SMC2: variants seen among roughly 807,000 people sequenced by gnomAD.
The protein encoded by SMC2 is structural maintenance of chromosomes 2.
In SMC2, 41 loss-of-function variants were observed where a neutral mutation model predicts 142.6. The observed-to-expected ratio is 0.29, with a 90% CI of 0.22 to 0.37. SMC2 has a LOEUF of 0.37. Ranked by LOEUF, SMC2 falls within the 10% of genes least tolerant of loss-of-function variation. The probability of loss-of-function intolerance (pLI) is 1.00; values close to 1 mark genes in which losing one functional copy is unlikely to be tolerated. For missense variants in SMC2, 1,265 were observed against 1,373.7 expected, an observed-to-expected ratio of 0.92 and a Z score of 1.25; for synonymous variants, 463 against 457.5, an observed-to-expected ratio of 1.01 and a Z score of -0.15.
In SMC2 at chr9:104,110,612, C is replaced by CT. The variant is rs926127277; in HGVS notation, c.1021-968dup. ...TTAAGGATCAACTAAATAATTGAATCTAAGTCTTTATTTACCATGGCCTGC... is the reference window on the plus strand; with the variant it reads ...TTAAGGATCAACTAAATAATTGAATCTTAAGTCTTTATTTACCATGGCCTGC... On this transcript the variant is annotated intron_variant, in intron 9 of 24. Coordinates refer to ENST00000374793, the MANE Select transcript of SMC2 (RefSeq NM_006444.3). Among the ~76,000 whole-genome samples the CT allele has an allele frequency of 9.5e-5, 3 of 31,608 alleles. No individual in the cohort carries two copies. The African/African-American group carries it at 1.2e-3, about 13-fold the overall frequency. The allele number at this position is 31,608 out of a possible 152,430, so 20.7% of individuals were successfully genotyped here. A position where few individuals can be genotyped will look rare whatever the true frequency, so the allele number is the denominator to read the frequency against.
chr9:104,100,545 G>T, intron 7 of SMC2, 112 bp downstream of exon 7: 1 of 691,038 alleles, frequency 1.4e-6, no homozygotes, highest in South Asian at 1.9e-5. Flanking sequence ...TTCCTGCGAT[G>T]AGATAAGGAA....
the SMC2 span, among the ~76,000 whole-genome samples, chr9:104,088,852 A>C: frequency 2.0e-5 from 3 of 152,160 alleles, no homozygotes; most frequent in South Asian, 2.1e-4. Flanking sequence ...ATCCCAGCAC[A>C]TAACACAATT....
intron 14 of SMC2, among the ~76,000 whole-genome samples, chr9:104,116,573 G>A (rs1039036577): frequency 1.3e-5 from 2 of 151,976 alleles, no homozygotes; most frequent in African/African-American, 4.8e-5. Context: ...ATCAGGTGAT[G>A]GTGAAAATTA....
chr9:104,093,852 T>A (rs115956031), upstream of SMC2, among the ~76,000 whole-genome samples: 871 of 136,926 alleles, frequency 6.4e-3, 8 homozygotes, highest in African/African-American at 0.022. Context: ...TGCAGCAATC[T>A]GAGCCAACCC....
chr9:104,103,730 T>C (rs1160111963), intron 9 of SMC2, among the ~76,000 whole-genome samples: 1 of 152,198 alleles, frequency 6.6e-6, no homozygotes, highest in Non-Finnish European at 1.5e-5. Flanking sequence ...ATTTGCCTTT[T>C]CACTGAAAAA....
upstream of SMC2, among the ~76,000 whole-genome samples, chr9:104,089,710 T>G (rs551615268): frequency 6.6e-6 from 1 of 152,230 alleles, no homozygotes; most frequent in East Asian, 1.9e-4. Context: ...AGTGGCGCGA[T>G]CTAGGCTCAC....
chr9:104,105,933 G>A (rs1564078526), intron 9 of SMC2, among the ~76,000 whole-genome samples: 1 of 152,148 alleles, frequency 6.6e-6, no homozygotes, highest in Non-Finnish European at 1.5e-5. Flanking sequence ...GTATTGACAG[G>A]TTAGTGCTCC....
Position 104,126,679 on chromosome 9 carries a change from G to T in SMC2, c.2490G>T (p.Lys830Asn). 6.2e-7 allele frequency: 1 copy of T among 1,612,258 alleles called. No homozygotes were observed. Among genetic ancestry groups the T allele is most frequent in the Non-Finnish European group, 8.5e-7 (1 of 1,179,438 alleles). The change falls in exon 19 of 25, where the codon AAG (lysine) becomes AAT (asparagine). Residue 830 changes from lysine to asparagine, a missense_variant. Physicochemically the swap from Lys to Asn is moderately conservative, Grantham distance 94. Transcript: ENST00000374793. ...TCACTCTGGAACTGGAAGAGCTCAAGAGAGAGCATACATCTTACAAACAAC... is the reference window on the plus strand; with the variant it reads ...TCACTCTGGAACTGGAAGAGCTCAATAGAGAGCATACATCTTACAAACAAC... ...EAITLELEEL[K>N]REHTSYKQQL...
Position 104,102,072 on chromosome 9 carries a change from C to A in SMC2, c.749C>A (p.Ala250Asp). The A allele has an allele frequency of 6.2e-7, 1 of 1,609,872 alleles. No homozygotes were observed. The change falls in exon 8 of 25, where the codon GCT becomes GAT. Residue 250 changes from alanine (A) to aspartate (D), a missense_variant. Ala to Asp is a moderately radical substitution (Grantham distance 126, BLOSUM62 -2). Around this residue, in one of 4 missense-constraint regions of SMC2, gnomAD observed 898 missense variants for 904.2 expected, o/e 0.99. Coordinates refer to ENST00000374793, the MANE Select transcript of SMC2 (RefSeq NM_006444.3). ...GCTGAAGATACCAAAGTACGCTCAG[C>A]TGAGGAATTAAAAGAAATGCAAGAT... The part of the protein sequence containing the change: ...LLAEDTKVRS[A>D]EELKEMQDKV...
Position 104,123,194 on chromosome 9 carries a change from A to G in SMC2, c.2219A>G (p.Lys740Arg). The change falls in exon 17 of 25, where the codon AAG (lysine) becomes AGG (arginine). Residue 740 changes from lysine to arginine, a missense_variant. Physicochemically the swap from Lys to Arg is conservative, Grantham distance 26. Transcript: ENST00000374793. Reference protein sequence around the residue: ...QTKLQQSSYHKQQEELDALKK... With the variant: ...QTKLQQSSYHRQQEELDALKK... ...AAGCTCCAGCAAAGCTCATATCACA[A>G]GCAACAAGAAGAATTAGATGCCCTT... 6.2e-7 allele frequency: 1 copy of G among 1,613,002 alleles called. No individual in the cohort carries two copies. The highest frequency in any genetic ancestry group is 8.5e-7 in the Non-Finnish European group (1 of 1,179,436).
At position 104,118,206 on chromosome 9, in the gene SMC2, G is replaced by C; in HGVS notation, c.1827G>C (p.Leu609Phe). The C allele has an allele frequency of 6.2e-7, 1 of 1,613,730 alleles. No homozygotes were observed. The highest frequency in any genetic ancestry group is 8.5e-7 in the Non-Finnish European group (1 of 1,179,756). Residue 609 changes from leucine (L) to phenylalanine (F), a missense_variant, in exon 15 of 25, where the codon TTG becomes TTC. Physicochemically the swap from Leu to Phe is conservative, Grantham distance 22. Coordinates refer to ENST00000374793, the MANE Select transcript of SMC2 (RefSeq NM_006444.3). ...ACAACGTTCATGTGGCTCTTTCCTT[G>C]GTTGAATATAAACCAGAACTTCAGA... Reference protein sequence around the residue: ...GPDNVHVALSLVEYKPELQKA... With the variant: ...GPDNVHVALSFVEYKPELQKA...
chr9:104,137,109 C>T (rs1177962949), intron 23 of SMC2, among the ~76,000 whole-genome samples: 5 of 152,092 alleles, frequency 3.3e-5, no homozygotes. Flanking sequence ...GATTGTGCTA[C>T]TGCACTTCAT....
intron 21 of SMC2, among the ~76,000 whole-genome samples, chr9:104,130,082 C>A (rs1196703467): frequency 6.6e-6 from 1 of 152,072 alleles, no homozygotes; most frequent in Non-Finnish European, 1.5e-5. Flanking sequence ...TGTTCTTTGT[C>A]AAACATAATT....
At chr9:104,126,251 C>T (rs1178212826) in intron 18 of SMC2, among the ~76,000 whole-genome samples, 1 of 152,158 alleles carries the variant, frequency 6.6e-6, no homozygotes, top group Non-Finnish European at 1.5e-5. Context: ...GACTGCTCTT[C>T]TAATGAACTG....
At chr9:104,109,275 A>T (rs1478651872) in intron 9 of SMC2, among the ~76,000 whole-genome samples, 1 of 152,172 alleles carries the variant, frequency 6.6e-6, no homozygotes, top group East Asian at 1.9e-4. Flanking sequence ...GAATGGTACC[A>T]CTATTTACCT....
At chr9:104,094,126 T>C (rs1830181132), upstream of SMC2, 1 of 362,468 alleles carries the variant, frequency 2.8e-6, no homozygotes, top group Non-Finnish European at 4.9e-6. Flanking sequence ...TCTGCTCCTG[T>C]AGTGCCCAGG....
In SMC2 at chr9:104,132,006, T is replaced by C. The variant is rs1385571275; in HGVS notation, c.2992-3T>C. The C allele has an allele frequency of 7.2e-7, 1 of 1,386,926 alleles. No individual in the cohort carries two copies. Among genetic ancestry groups the C allele is most frequent in the Non-Finnish European group, 1.0e-6 (1 of 993,712 alleles). 85.9% of individuals were successfully genotyped at this position (1,386,926 alleles called of 1,614,324 possible). A position where few individuals can be genotyped will look rare whatever the true frequency, so the allele number is the denominator to read the frequency against. On this transcript the variant is annotated splice_polypyrimidine_tract_variant and splice_region_variant and intron_variant, in intron 21 of 24. Coordinates refer to ENST00000374793, the MANE Select transcript of SMC2 (RefSeq NM_006444.3). ...CCAGTTAACCATGTTTTTTATCTCA[T>C]AGTACAATGACTTGATGAAGAAGAA...
At chr9:104,094,120 C>T (rs542559972), upstream of SMC2, 45 of 360,454 alleles carry the variant, frequency 1.2e-4, no homozygotes, top group African/African-American at 9.2e-4. Flanking sequence ...ACACTATCTG[C>T]TCCTGTAGTG....
chr9:104,125,085 A>C lies in SMC2; in HGVS notation c.2431A>C (p.Lys811Gln). 4 of 1,574,242 alleles carry C rather than the reference A, an allele frequency of 2.5e-6. No homozygotes were observed. The highest frequency in any genetic ancestry group is 2.1e-5 in the Admixed American group (1 of 46,616). Residue 811 changes from lysine to glutamine, a missense_variant, in exon 18 of 25, where the codon AAG becomes CAG. Physicochemically the swap from Lys to Gln is moderately conservative, Grantham distance 53. Transcript: ENST00000374793. ...AKTKADASSK[K>Q]MKEKQQEVEA... is the part of the protein sequence containing the mutation. ...AACAAAGGCAGATGCATCTAGCAAG[A>C]AGATGAAAGAAAAACAACAGGTAAT...
Sources: gnomAD v4.1 joint callset for allele counts (sites outside exome capture counted in the v4.1 genomes callset) on GRCh38, gnomAD v4.1.1 for gene constraint, gnomAD v4.1.1 regional missense constraint, MANE v1.5 for transcripts, NCBI Gene and HGNC (gene_info 2026-07-23, HGNC 2026-07-21) for gene names.